Variants in GDAP1 observed in about 807,000 individuals in gnomAD.
GDAP1 encodes ganglioside-induced differentiation-associated protein 1.
GDAP1 carries 34 observed loss-of-function variants against 40.1 expected under a neutral mutation model. The observed-to-expected ratio is 0.85, with a 90% confidence interval of 0.64 to 1.13. The LOEUF (loss-of-function observed/expected upper bound fraction) is 1.13, where lower values mean the gene tolerates loss of function less well. Among genes scored for constraint, GDAP1 ranks in the 50% most tolerant of loss-of-function variants. The pLI is 0.00. For synonymous variants in GDAP1, 170 were observed against 157.4 expected (o/e 1.08, Z -0.60); for missense variants, 374 against 433.7 (o/e 0.86, Z 1.22).
At chr8:74,384,624 C>G (rs1479759754) in intron 2 of GDAP1, among the ~76,000 whole-genome samples, 1 of 152,250 alleles carries the variant, frequency 6.6e-6, no homozygotes, top group East Asian at 1.9e-4. Flanking sequence ...TACAGAGAAA[C>G]CCCAAACCTC....
chr8:74,392,390 A>G (rs1810123843), intron 2 of GDAP1, among the ~76,000 whole-genome samples: 1 of 152,212 alleles, frequency 6.6e-6, no homozygotes, highest in African/African-American at 2.4e-5. Context: ...AAACAAAGAA[A>G]ACGAGAGAAG....
intron 2 of GDAP1, among the ~76,000 whole-genome samples, chr8:74,484,784 A>G (rs1266894862): frequency 6.6e-6 from 1 of 152,090 alleles, no homozygotes; most frequent in African/African-American, 2.4e-5. Context: ...TTTTCTGGAT[A>G]TGCCCACTGA....
At chr8:74,418,924 C>A (rs550147813) in intron 2 of GDAP1, among the ~76,000 whole-genome samples, 57 of 152,248 alleles carry the variant, frequency 3.7e-4, no homozygotes, top group African/African-American at 1.3e-3. Flanking sequence ...ATAACCACTT[C>A]ATAGTTATTT....
chr8:74,390,875 C>T (rs975367880), intron 2 of GDAP1, among the ~76,000 whole-genome samples: 13 of 152,126 alleles, frequency 8.5e-5, no homozygotes, highest in Non-Finnish European at 1.8e-4. Context: ...TCAGAGATGC[C>T]CTGCCCAGAG....
intron 2 of GDAP1, among the ~76,000 whole-genome samples, chr8:74,434,528 A>C (rs544490576): frequency 6.6e-6 from 1 of 152,228 alleles, no homozygotes; most frequent in Middle Eastern, 3.2e-3. Flanking sequence ...GAGTGAGATG[A>C]GTATCAAAGA....
In GDAP1 at chr8:74,365,355, A is replaced by G. The variant is rs1809574625; in HGVS notation, c.*988A>G. 4 of 453,994 alleles carry G rather than the reference A, an allele frequency of 8.8e-6. No individual in the cohort carries two copies. The highest frequency in any genetic ancestry group is 1.8e-5 in the Non-Finnish European group (4 of 226,794). 28.1% of individuals were successfully genotyped at this position (453,994 alleles called of 1,614,324 possible). ...CAGTTAATCTAGGGAAGATGAATTAAATGGGTAGATAGTGATGCATACCTG... is the reference window on the plus strand; with the variant it reads ...CAGTTAATCTAGGGAAGATGAATTAGATGGGTAGATAGTGATGCATACCTG... On this transcript the variant is annotated 3_prime_UTR_variant, in exon 6 of 6. Coordinates refer to ENST00000220822, the MANE Select transcript of GDAP1 (RefSeq NM_018972.4).
At chr8:74,383,181 T>A (rs1809979310) in intron 2 of GDAP1, among the ~76,000 whole-genome samples, 1 of 152,184 alleles carries the variant, frequency 6.6e-6, no homozygotes, top group South Asian at 2.1e-4. Context: ...ACATCCAAAT[T>A]CAGATCGACC....
chr8:74,354,402 AGGCTTCTTTTTT>A (rs1346248783), intron 2 of GDAP1, among the ~76,000 whole-genome samples: 1 of 152,198 alleles, frequency 6.6e-6, no homozygotes, highest in African/African-American at 2.4e-5. Flanking sequence ...ATGTTCTTGT[AGGCTTCTTTTTT>A]GACTTGAGCC....
rs1380833894 is a variant in GDAP1, at chr8:74,451,618, T to G, written c.166-37060T>G. 2.4e-5 allele frequency among the ~76,000 whole-genome samples: 2 copies of G among 83,906 alleles called. 1 individual carries two copies. Among genetic ancestry groups the G allele is most frequent in the Non-Finnish European group, 4.8e-5 (2 of 41,310 alleles). The allele number at this position is 83,906 out of a possible 152,430, so 55.0% of individuals were successfully genotyped here. A position where few individuals can be genotyped will look rare whatever the true frequency, so the allele number is the denominator to read the frequency against. The stretch of plus-strand genomic sequence containing the variant: ...TCTTTGTGTTTGTAAAAAATTTAGA[T>G]GTATTGGCATGAAGCCTTCTGTTTT... On this transcript the variant is annotated intron_variant, in intron 2 of 2. Coordinates refer to the GDAP1 transcript ENST00000523640.
intron 2 of GDAP1, among the ~76,000 whole-genome samples, chr8:74,417,889 T>A (rs959345734): frequency 2.6e-5 from 4 of 152,154 alleles, no homozygotes; most frequent in East Asian, 1.9e-4. Flanking sequence ...TCTATCCTAC[T>A]TTTATATGCT....
intron 1 of GDAP1, 40 bp downstream of exon 1, chr8:74,350,618 G>T (rs1490470202): frequency 1.6e-6 from 2 of 1,231,330 alleles, no homozygotes; most frequent in Admixed American, 3.4e-5. Flanking sequence ...CGCGGATCGG[G>T]CTTCAGCACT....
At chr8:74,406,924 G>T (rs1036926027) in intron 2 of GDAP1, among the ~76,000 whole-genome samples, 3 of 149,730 alleles carry the variant, frequency 2.0e-5, no homozygotes, top group Non-Finnish European at 4.4e-5. Flanking sequence ...ACAAGGGAAG[G>T]TTTACTTAGA....
intron 2 of GDAP1, among the ~76,000 whole-genome samples, chr8:74,395,493 C>T (rs1358270347): frequency 6.6e-6 from 1 of 152,190 alleles, no homozygotes; most frequent in Non-Finnish European, 1.5e-5. Context: ...GTATAAAAGA[C>T]AACTTCATTG....
At chr8:74,447,607 G>A (rs1381807148) in intron 2 of GDAP1, among the ~76,000 whole-genome samples, 2 of 152,026 alleles carry the variant, frequency 1.3e-5, no homozygotes, top group African/African-American at 4.8e-5. Flanking sequence ...CTTTATTTGT[G>A]ATATATCTTT....
chr8:74,368,304 A>C (rs1303886228), downstream of GDAP1, among the ~76,000 whole-genome samples: 1 of 152,224 alleles, frequency 6.6e-6, no homozygotes, highest in African/African-American at 2.4e-5. Flanking sequence ...AGATTAAACT[A>C]CCTTTTGAAT....
chr8:74,450,099 A>G (rs530525984), intron 2 of GDAP1, among the ~76,000 whole-genome samples: 2 of 141,884 alleles, frequency 1.4e-5, no homozygotes, highest in South Asian at 4.6e-4. Flanking sequence ...TTTTTTTTTC[A>G]TGGTTTATTT....
At chr8:74,446,538 A>T (rs1806229327) in intron 2 of GDAP1, among the ~76,000 whole-genome samples, 1 of 152,200 alleles carries the variant, frequency 6.6e-6, no homozygotes. Flanking sequence ...AGCCTCTGAA[A>T]TTGAGTATCT....
intron 2 of GDAP1, among the ~76,000 whole-genome samples, chr8:74,377,291 A>G (rs1181571302): frequency 6.6e-6 from 1 of 152,190 alleles, no homozygotes; most frequent in Non-Finnish European, 1.5e-5. Context: ...CACAATATAT[A>G]TACCTGACAA....
At chr8:74,377,951 C>G (rs938877759) in intron 2 of GDAP1, among the ~76,000 whole-genome samples, 1 of 152,154 alleles carries the variant, frequency 6.6e-6, no homozygotes, top group Non-Finnish European at 1.5e-5. Context: ...AAAAAGAGAA[C>G]AAACCATTAA....
Sources: allele counts gnomAD v4.1 joint callset (sites outside exome capture counted in the v4.1 genomes callset), GRCh38; gene constraint gnomAD v4.1.1; transcripts MANE v1.5; gene names NCBI Gene and HGNC (gene_info 2026-07-23, HGNC 2026-07-21).